Variants in AXDND1 observed in about 807,000 individuals in gnomAD.
The protein encoded by AXDND1 is axonemal dynein light chain domain-containing protein 1.
AXDND1 carries 110 observed loss-of-function variants against 137.5 expected under a neutral mutation model. The observed-to-expected ratio is 0.80, with a 90% confidence interval of 0.69 to 0.94. AXDND1 has a LOEUF of 0.94. Ranked by LOEUF, AXDND1 falls within the 40% of genes least tolerant of loss-of-function variation. The pLI is 0.00. For synonymous variants in AXDND1, 414 were observed against 399.7 expected (o/e 1.04, Z -0.43); for missense variants, 1,191 against 1,169.8 (o/e 1.02, Z -0.26).
intron 23 of AXDND1, among the ~76,000 whole-genome samples, chr1:179,531,053 G>T (rs1250153090): frequency 6.6e-6 from 1 of 152,178 alleles, no homozygotes; most frequent in East Asian, 1.9e-4. Flanking sequence ...TAGGCAGGGG[G>T]CCAGGGTATG....
intron 12 of AXDND1, among the ~76,000 whole-genome samples, chr1:179,423,044 G>A (rs1656013237): frequency 6.6e-6 from 1 of 152,188 alleles, no homozygotes; most frequent in Non-Finnish European, 1.5e-5. Context: ...GATTACAGGT[G>A]TGAGCCACTG....
At chr1:179,499,108 A>G (rs563589709) in intron 20 of AXDND1, among the ~76,000 whole-genome samples, 2 of 152,270 alleles carry the variant, frequency 1.3e-5, no homozygotes, top group South Asian at 4.1e-4. Context: ...AAATCATTCT[A>G]CCAAAAAGAC....
At chr1:179,506,966 C>G (rs914736345) in intron 20 of AXDND1, 107 of 910,630 alleles carry the variant, frequency 1.2e-4, no homozygotes, top group Non-Finnish European at 1.4e-4. Flanking sequence ...ATGGGGGGAT[C>G]TGTGGATCAT....
intron 2 of AXDND1, among the ~76,000 whole-genome samples, chr1:179,368,098 A>ATG (rs1667651238): frequency 1.3e-5 from 2 of 152,092 alleles, no homozygotes; most frequent in Admixed American, 1.3e-4. Flanking sequence ...AAACCATACC[A>ATG]TGTTACAGGC....
intron 15 of AXDND1, among the ~76,000 whole-genome samples, chr1:179,436,065 A>C (rs569521289): frequency 6.6e-6 from 1 of 152,228 alleles, no homozygotes; most frequent in East Asian, 1.9e-4. Context: ...GAAGACATTT[A>C]TGTGGCCAAC....
intron 16 of AXDND1, chr1:179,450,123 C>T (rs1197417795): frequency 1.3e-5 from 2 of 149,376 alleles, no homozygotes; most frequent in African/African-American, 5.0e-5. Context: ...CCTGCCCCAG[C>T]TTGATTACAG....
intron 18 of AXDND1, among the ~76,000 whole-genome samples, chr1:179,488,708 G>C (rs12736785): frequency 2.1e-5 from 2 of 95,780 alleles, no homozygotes; most frequent in Non-Finnish European, 4.0e-5. Context: ...TCCTCTCTCT[G>C]TCTCTCTCTC....
chr1:179,518,696 A>G (rs1164036534), intron 21 of AXDND1, among the ~76,000 whole-genome samples: 1 of 152,128 alleles, frequency 6.6e-6, no homozygotes, highest in African/African-American at 2.4e-5. Context: ...AGCTCCATCC[A>G]TGTCCCTGCA....
chr1:179,414,668 G>A (rs187748800), intron 12 of AXDND1, among the ~76,000 whole-genome samples: 19 of 152,008 alleles, frequency 1.2e-4, no homozygotes, highest in Admixed American at 3.3e-4. Context: ...CTCGTGATCC[G>A]CCCACCTCAG....
At chr1:179,479,894 T>G (rs531978451) in intron 17 of AXDND1, among the ~76,000 whole-genome samples, 81 of 152,368 alleles carry the variant, frequency 5.3e-4, no homozygotes, top group African/African-American at 1.9e-3. Flanking sequence ...GTCTCTTTGC[T>G]TAAATATAAC....
At chr1:179,368,519 TTA>T (rs1408420049) in intron 2 of AXDND1, among the ~76,000 whole-genome samples, 5 of 152,220 alleles carry the variant, frequency 3.3e-5, no homozygotes, top group Non-Finnish European at 5.9e-5. Flanking sequence ...TGAAATGAGT[TTA>T]GTTTTCAACT....
In AXDND1 at chr1:179,394,045, T is replaced by TA. The variant is rs1221694882; in HGVS notation, c.1004+7dup. 6.3e-7 allele frequency: 1 copy of TA among 1,594,176 alleles called. No individual in the cohort carries two copies. The highest frequency in any genetic ancestry group is 8.5e-7 in the Non-Finnish European group (1 of 1,172,912). Reference sequence around the variant, plus strand: ...GCATGTTATTGAAGAACTGACCAGGTAAAAACTGTGATTATCTTAAACACA... The same window carrying TA: ...GCATGTTATTGAAGAACTGACCAGGTAAAAAACTGTGATTATCTTAAACACA... On this transcript the variant is annotated splice_region_variant and intron_variant, in intron 10 of 25. Coordinates refer to ENST00000367618, the MANE Select transcript of AXDND1 (RefSeq NM_144696.6).
intron 25 of AXDND1, among the ~76,000 whole-genome samples, chr1:179,540,005 G>A (rs146112842): frequency 1.4e-3 from 205 of 151,668 alleles, no homozygotes; most frequent in Non-Finnish European, 2.5e-3. Flanking sequence ...TTGTGTATGC[G>A]TCACGAAGTT....
chr1:179,500,938 C>T (rs1456677041), intron 20 of AXDND1, among the ~76,000 whole-genome samples: 2 of 152,316 alleles, frequency 1.3e-5, no homozygotes, highest in East Asian at 3.9e-4. Context: ...TCCCAAAGTA[C>T]TGGGATTACA....
At chr1:179,485,960 A>G (rs1338116274) in intron 18 of AXDND1, among the ~76,000 whole-genome samples, 1 of 151,976 alleles carries the variant, frequency 6.6e-6, no homozygotes, top group African/African-American at 2.4e-5. Flanking sequence ...TCTACTAAAA[A>G]TACAGAAAAT....
chr1:179,459,944 CTT>C (rs1662044115), intron 16 of AXDND1, among the ~76,000 whole-genome samples: 1 of 138,108 alleles, frequency 7.2e-6, no homozygotes. Context: ...TTCTCTCTCT[CTT>C]TTCTTTTCTT....
intron 20 of AXDND1, among the ~76,000 whole-genome samples, chr1:179,504,067 C>T (rs1668296296): frequency 6.6e-6 from 1 of 152,056 alleles, no homozygotes; most frequent in Non-Finnish European, 1.5e-5. Context: ...GACTAAAACA[C>T]CATGAACATT....
chr1:179,403,090 T>C (rs1285982439), intron 11 of AXDND1, among the ~76,000 whole-genome samples: 2 of 152,208 alleles, frequency 1.3e-5, no homozygotes, highest in East Asian at 3.8e-4. Flanking sequence ...TAATATTCTA[T>C]GGTTGGCTGG....
At chr1:179,440,939 C>G (rs1317897261) in intron 15 of AXDND1, among the ~76,000 whole-genome samples, 1 of 152,074 alleles carries the variant, frequency 6.6e-6, no homozygotes, top group Non-Finnish European at 1.5e-5. Flanking sequence ...GAGCTGAAAC[C>G]CCAGAGGTCA....
Sources: allele counts gnomAD v4.1 joint callset (sites outside exome capture counted in the v4.1 genomes callset), GRCh38; gene constraint gnomAD v4.1.1; transcripts MANE v1.5; gene names NCBI Gene and HGNC (gene_info 2026-07-23, HGNC 2026-07-21).